Variants in LMF1 observed in about 807,000 individuals in gnomAD.
The protein encoded by LMF1 is transmembrane protein 112.
LMF1 carries 68 observed loss-of-function variants against 60.6 expected under a neutral mutation model. That is an observed-to-expected ratio of 1.12 (90% CI 0.92 to 1.37). The LOEUF (loss-of-function observed/expected upper bound fraction) is 1.37. LMF1 is among the 40% of genes most tolerant of loss of function. The pLI is 0.00. For synonymous variants in LMF1, 418 were observed against 324.7 expected, an observed-to-expected ratio of 1.29 and a Z score of -3.09; for missense variants, 948 against 767.2, an observed-to-expected ratio of 1.24 and a Z score of -2.78.
At chr16:951,068 C>CAAT (rs1414832309) in intron 2 of LMF1, among the ~76,000 whole-genome samples, 2 of 45,940 alleles carry the variant, frequency 4.4e-5, no homozygotes, top group South Asian at 1.2e-3. Context: ...CAGAGTCAGC[C>CAAT]GACAGAGTCA....
At chr16:914,493 C>T (rs1053657525) in intron 3 of LMF1, among the ~76,000 whole-genome samples, 5 of 151,770 alleles carry the variant, frequency 3.3e-5, no homozygotes, top group African/African-American at 9.7e-5. Context: ...AAACCAGACA[C>T]GCTCCCTCCC....
Position 878,977 on chromosome 16 carries a change from C to T in LMF1, c.897+593G>A, listed in dbSNP as rs1174208232. 6.6e-6 allele frequency among the ~76,000 whole-genome samples: 1 copy of T among 152,162 alleles called. No homozygotes were observed. Among genetic ancestry groups the T allele is most frequent in the Non-Finnish European group, 1.5e-5 (1 of 68,020 alleles). On this transcript the variant is annotated intron_variant, in intron 6 of 10. Coordinates refer to ENST00000262301, the MANE Select transcript of LMF1 (RefSeq NM_022773.4). The surrounding 1 kb of genome is among the most constrained non-coding windows in gnomAD (Gnocchi z 5.2). Reference sequence around the variant, plus strand: ...GAAAAGCAAAGGCTCGGGACTGGCCCAGCCCCCCTGGAGGCAGCGTGGGGG... The same window carrying T: ...GAAAAGCAAAGGCTCGGGACTGGCCTAGCCCCCCTGGAGGCAGCGTGGGGG...
At position 871,225 on chromosome 16, in the gene LMF1, G is replaced by A. The variant is rs2069780591; in HGVS notation, c.1014C>T (p.Ser338=). The change falls in exon 7 of 11, where the codon AGC becomes AGT. Residue 338 remains serine, a synonymous_variant. Transcript: ENST00000262301. ...GCATCTGCAGAACTCGGTCCTTCAGGCTGCCTGGCCCAGAGGGGAACAAGA... is the reference window on the plus strand; with the variant it reads ...GCATCTGCAGAACTCGGTCCTTCAGACTGCCTGGCCCAGAGGGGAACAAGA... The part of the protein sequence containing the change: ...LGFLFPSGPG[S]LKDRVLQMQR... 1 of 1,611,892 alleles carries A rather than the reference G, an allele frequency of 6.2e-7. No homozygotes were observed. The highest frequency in any genetic ancestry group is 1.3e-5 in the African/African-American group (1 of 75,054).
intron 6 of LMF1, among the ~76,000 whole-genome samples, chr16:875,790 C>G (rs1430309002): frequency 6.6e-6 from 1 of 152,192 alleles, no homozygotes; most frequent in Non-Finnish European, 1.5e-5. Context: ...GTGTTCTCCA[C>G]CGGCAGGGGC....
At chr16:967,270 G>A (rs750926375) in intron 1 of LMF1, among the ~76,000 whole-genome samples, 4 of 152,214 alleles carry the variant, frequency 2.6e-5, no homozygotes, top group Non-Finnish European at 4.4e-5. Context: ...ACACGCCCCC[G>A]TACTGCAGGG....
chr16:968,139 C>G (rs955723391), intron 1 of LMF1, among the ~76,000 whole-genome samples: 1 of 152,204 alleles, frequency 6.6e-6, no homozygotes, highest in Non-Finnish European at 1.5e-5. Context: ...ATGGAAACGC[C>G]CAGGCCCGCG....
At chr16:948,120 T>A (rs1348946624) in intron 2 of LMF1, among the ~76,000 whole-genome samples, 13 of 71,120 alleles carry the variant, frequency 1.8e-4, no homozygotes, top group Admixed American at 3.2e-4. Context: ...CCAACGACAG[T>A]CAGCCAACGA....
upstream of LMF1, chr16:975,796 G>T (rs1429211652): frequency 2.2e-6 from 1 of 453,882 alleles, no homozygotes; most frequent in Admixed American, 2.4e-5. Context: ...TTTGCCTTTG[G>T]CACTAATGGG....
Position 954,339 on chromosome 16 carries a change from C to T in LMF1, c.503+18G>A. ...ACAGCAAGCCCTAAGCTCCGACCGC[C>T]CCATTCCTGCTACTCACCAGACATG... On this transcript the variant is annotated intron_variant, in intron 2 of 10. Transcript: ENST00000262301. The T allele has an allele frequency of 6.2e-7, 1 of 1,608,628 alleles. No homozygotes were observed. The highest frequency in any genetic ancestry group is 1.1e-5 in the South Asian group (1 of 90,090).
rs1186655900 is a variant in LMF1 at position 854,446 on chromosome 16, T to C, written c.*86A>G. ...CTCCTCTCCACGTCTCTCTTGGCGA[T>C]GCCCAGCTTGGGCTGGGCGCAGGGA... On this transcript the variant is annotated 3_prime_UTR_variant, in exon 11 of 11. Coordinates refer to ENST00000262301, the MANE Select transcript of LMF1 (RefSeq NM_022773.4). 1 of 1,340,402 alleles carries C rather than the reference T, an allele frequency of 7.5e-7. No homozygotes were observed. Among genetic ancestry groups the C allele is most frequent in the Admixed American group, 2.0e-5 (1 of 50,058 alleles). 83.0% of individuals were successfully genotyped at this position (1,340,402 alleles called of 1,614,324 possible). A position where few individuals can be genotyped will look rare whatever the true frequency, so the allele number is the denominator to read the frequency against.
intron 10 of LMF1, among the ~76,000 whole-genome samples, chr16:857,913 T>C (rs2069255974): frequency 2.1e-5 from 1 of 47,532 alleles, no homozygotes; most frequent in Non-Finnish European, 3.5e-5. Context: ...GGGATGGGTG[T>C]GCGTGGTGTC....
intron 5 of LMF1, among the ~76,000 whole-genome samples, chr16:880,407 C>T (rs1329975902): frequency 6.6e-6 from 1 of 152,228 alleles, no homozygotes; most frequent in African/African-American, 2.4e-5. Flanking sequence ...CACGGTGGCT[C>T]ATGCCTGTGA....
At chr16:866,149 C>T (rs1298915387) in intron 10 of LMF1, among the ~76,000 whole-genome samples, 2 of 152,150 alleles carry the variant, frequency 1.3e-5, no homozygotes, top group African/African-American at 4.8e-5. Context: ...CTTCCTGTTT[C>T]CTGCTGTGAC....
At chr16:947,979 A>ACGACAGAG (rs2072286585) in intron 2 of LMF1, among the ~76,000 whole-genome samples, 4 of 151,290 alleles carry the variant, frequency 2.6e-5, no homozygotes, top group Non-Finnish European at 4.4e-5. Flanking sequence ...GAGTCAGCCA[A>ACGACAGAG]TGACAGAGTC....
chr16:916,098 G>A (rs932700658), intron 3 of LMF1, among the ~76,000 whole-genome samples: 1 of 152,210 alleles, frequency 6.6e-6, no homozygotes, highest in Admixed American at 6.5e-5. Context: ...TCTGACCAAG[G>A]AAGAAACGTG....
chr16:925,446 G>C (rs903541570), intron 3 of LMF1, among the ~76,000 whole-genome samples: 1 of 152,196 alleles, frequency 6.6e-6, no homozygotes, highest in Non-Finnish European at 1.5e-5. Flanking sequence ...TATTTTCTGG[G>C]AGGGCGTGGT....
rs559047038 is a variant in LMF1, at chr16:923,118, C to T, written c.514+11126G>A. Among the ~76,000 whole-genome samples the T allele has an allele frequency of 2.1e-4, 32 of 150,456 alleles. No homozygotes were observed. The South Asian group carries it at 3.2e-3, about 15-fold the overall frequency. On this transcript the variant is annotated intron_variant, in intron 3 of 10. Coordinates refer to ENST00000262301, the MANE Select transcript of LMF1 (RefSeq NM_022773.4). ...CCTGTGTGAAAGTCGCCTGGGTTTTCGGGTGTGATGTGGTGTTGGCGTCGT... is the reference window on the plus strand; with the variant it reads ...CCTGTGTGAAAGTCGCCTGGGTTTTTGGGTGTGATGTGGTGTTGGCGTCGT...
At chr16:942,401 C>T (rs901592891) in intron 2 of LMF1, among the ~76,000 whole-genome samples, 8 of 152,250 alleles carry the variant, frequency 5.3e-5, no homozygotes, top group African/African-American at 1.9e-4. Context: ...TTACAGTGTG[C>T]TGAGCTTCTT....
upstream of LMF1, among the ~76,000 whole-genome samples, chr16:972,145 C>T (rs2073061690): frequency 6.6e-6 from 1 of 152,164 alleles, no homozygotes; most frequent in African/African-American, 2.4e-5. Context: ...CCAGGCCTGA[C>T]CAGCAGTGGC....
Sources: allele counts gnomAD v4.1 joint callset (sites outside exome capture counted in the v4.1 genomes callset), GRCh38; gene constraint gnomAD v4.1.1; non-coding constraint Gnocchi (gnomAD v3.1); transcripts MANE v1.5; gene names NCBI Gene and HGNC (gene_info 2026-07-23, HGNC 2026-07-21).